Variants in FRMD3 observed in about 807,000 individuals in gnomAD.
FRMD3 encodes FERM domain containing 3.
In FRMD3, 33 loss-of-function variants were observed where a neutral mutation model predicts 70.2. The ratio of observed to expected loss-of-function variants is 0.47; its 90% CI spans 0.36 to 0.63. The LOEUF (loss-of-function observed/expected upper bound fraction) is 0.63, where lower values mean the gene tolerates loss of function less well. Among genes scored for constraint, FRMD3 ranks in the 20% least tolerant of loss-of-function variants. The pLI, the probability that FRMD3 is intolerant of heterozygous loss-of-function variation, is 0.00. For missense variants in FRMD3, 632 were observed against 711.4 expected (o/e 0.89, Z 1.27); for synonymous variants, 279 against 255.9 (o/e 1.09, Z -0.86).
At chr9:83,243,112 G>A (rs934632582), downstream of FRMD3, 92 of 1,364,340 alleles carry the variant, frequency 6.7e-5, no homozygotes, top group Non-Finnish European at 8.2e-5. Flanking sequence ...GGGGCCCACC[G>A]AACTTACCCA....
chr9:83,246,370 C>T lies in FRMD3; in HGVS notation c.*1548G>A, dbSNP rs1832097418. 1.0e-6 allele frequency: 1 copy of T among 983,326 alleles called. No individual in the cohort carries two copies. Among genetic ancestry groups the T allele is most frequent in the African/African-American group, 1.7e-5 (1 of 57,314 alleles). 60.9% of individuals were successfully genotyped at this position (983,326 alleles called of 1,614,324 possible). A position where few individuals can be genotyped will look rare whatever the true frequency, so the allele number is the denominator to read the frequency against. On this transcript the variant is annotated 3_prime_UTR_variant, in exon 14 of 14. Transcript: ENST00000304195. ...TCAGTACGTTGCTGATGGTACAATG[C>T]TCTAGTACCTTCCTTGATACCATTA...
the FRMD3 span, among the ~76,000 whole-genome samples, chr9:83,577,935 A>C: frequency 6.6e-6 from 1 of 151,902 alleles, no homozygotes. Flanking sequence ...CTCTTAGGCT[A>C]ACTAGGAAAA....
intron 13 of FRMD3, among the ~76,000 whole-genome samples, chr9:83,261,484 A>G (rs12339855): frequency 0.64 from 97,835 of 151,976 alleles, 33,627 homozygotes; most frequent in East Asian, 0.9. Flanking sequence ...CAGATCACTC[A>G]ACCTCTGAGG....
downstream of FRMD3, among the ~76,000 whole-genome samples, chr9:83,244,134 CA>C (rs776624062): frequency 8.5e-5 from 5 of 58,542 alleles, no homozygotes; most frequent in Non-Finnish European, 9.6e-5. Flanking sequence ...ATCATCATCT[CA>C]AAAAAAAAAA....
chr9:83,336,177 G>A (rs1327284212), intron 5 of FRMD3, among the ~76,000 whole-genome samples: 1 of 152,022 alleles, frequency 6.6e-6, no homozygotes, highest in East Asian at 1.9e-4. Flanking sequence ...CCCTGAGAGG[G>A]TAGCTTTTAA....
rs549054960 is a variant in FRMD3 at position 83,448,502 on chromosome 9, A to C, written c.148-58794T>G. On this transcript the variant is annotated intron_variant, in intron 1 of 13. Transcript: ENST00000304195. The stretch of plus-strand genomic sequence containing the variant: ...GGGCAAGTGGTAGCCTTGGCAAGGT[A>C]GGGAGGGAAAATAGAGGTGCATTTG... Among the ~76,000 whole-genome samples, 3 of 152,282 alleles carry C rather than the reference A, an allele frequency of 2.0e-5. No individual in the cohort carries two copies. In the East Asian group the frequency reaches 5.8e-4, roughly 29 times the overall value.
chr9:83,527,188 C>T (rs1182150126), intron 1 of FRMD3, among the ~76,000 whole-genome samples: 2 of 152,142 alleles, frequency 1.3e-5, no homozygotes, highest in East Asian at 3.9e-4. Context: ...ACTGGGAAGC[C>T]TGGCCCAGAG....
intron 3 of FRMD3, 110 bp downstream of exon 3, chr9:83,372,803 C>CG: frequency 4.0e-6 from 4 of 1,002,096 alleles, no homozygotes; most frequent in Admixed American, 3.5e-5. Context: ...CCCACACCCC[C>CG]CAACACCTCT....
intron 10 of FRMD3, among the ~76,000 whole-genome samples, chr9:83,302,440 T>A (rs1834963358): frequency 6.6e-6 from 1 of 152,216 alleles, no homozygotes; most frequent in South Asian, 2.1e-4. Context: ...ACCTTGGTCA[T>A]GCCATGTGGC....
chr9:83,341,592 T>C (rs1489169852), intron 5 of FRMD3, among the ~76,000 whole-genome samples: 1 of 152,056 alleles, frequency 6.6e-6, no homozygotes. Context: ...ACTATGGGAT[T>C]TACAGTCCTT....
At chr9:83,333,338 T>C (rs1823457018) in intron 6 of FRMD3, among the ~76,000 whole-genome samples, 1 of 152,190 alleles carries the variant, frequency 6.6e-6, no homozygotes, top group Non-Finnish European at 1.5e-5. Flanking sequence ...TGCCATAGAA[T>C]GGCAGCTTTG....
intron 1 of FRMD3, among the ~76,000 whole-genome samples, chr9:83,393,952 T>G (rs7028732): frequency 0.12 from 18,239 of 151,222 alleles, 1,181 homozygotes; most frequent in South Asian, 0.15. Flanking sequence ...TGTTGTTGTT[T>G]TTTTTTACAA....
At chr9:83,542,078 G>A (rs1281292955), upstream of FRMD3, among the ~76,000 whole-genome samples, 1 of 152,058 alleles carries the variant, frequency 6.6e-6, no homozygotes, top group East Asian at 1.9e-4. Flanking sequence ...GGACATTTGA[G>A]TACAGGAAAG....
chr9:83,426,651 G>C (rs1417752406), intron 1 of FRMD3, among the ~76,000 whole-genome samples: 4 of 152,218 alleles, frequency 2.6e-5, no homozygotes, highest in African/African-American at 9.6e-5. Context: ...TAAAAGACAG[G>C]AAATGGCAGA....
downstream of FRMD3, among the ~76,000 whole-genome samples, chr9:83,244,076 C>T (rs1311937121): frequency 6.6e-6 from 1 of 151,674 alleles, no homozygotes; most frequent in Admixed American, 6.6e-5. Context: ...TGCGGTGAGC[C>T]GTGATCGTGC....
intron 1 of FRMD3, among the ~76,000 whole-genome samples, chr9:83,526,706 T>A (rs1388093975): frequency 1.3e-5 from 2 of 152,180 alleles, no homozygotes; most frequent in Non-Finnish European, 1.5e-5. Flanking sequence ...TGATGACGGC[T>A]GATTTTATTT....
intron 1 of FRMD3, among the ~76,000 whole-genome samples, chr9:83,448,486 G>A (rs1827546022): frequency 6.6e-6 from 1 of 152,188 alleles, no homozygotes; most frequent in Admixed American, 6.5e-5. Context: ...CGGGCAAGTG[G>A]TAGCCTTGGC....
intron 1 of FRMD3, among the ~76,000 whole-genome samples, chr9:83,396,045 GTTAA>G (rs1554698665): frequency 6.6e-6 from 1 of 152,212 alleles, no homozygotes; most frequent in Non-Finnish European, 1.5e-5. Flanking sequence ...CATTGGGGTA[GTTAA>G]TATTCTCCTC....
At chr9:83,458,261 G>A (rs1827878006) in intron 1 of FRMD3, among the ~76,000 whole-genome samples, 2 of 152,178 alleles carry the variant, frequency 1.3e-5, no homozygotes, top group South Asian at 4.1e-4. Context: ...ACATGCATTT[G>A]CTGGACACAA....
Sources: allele counts gnomAD v4.1 joint callset (sites outside exome capture counted in the v4.1 genomes callset), GRCh38; gene constraint gnomAD v4.1.1; transcripts MANE v1.5; gene names NCBI Gene and HGNC (gene_info 2026-07-23, HGNC 2026-07-21).